Variants in MYBPC1 observed in about 807,000 individuals in gnomAD.
MYBPC1 encodes the protein myosin-binding protein C, slow-type.
MYBPC1 carries 52 observed loss-of-function variants against 147.1 expected under a neutral mutation model. The observed-to-expected ratio is 0.35, with a 90% CI of 0.28 to 0.45. The LOEUF (loss-of-function observed/expected upper bound fraction) is 0.45. MYBPC1 is among the 20% of genes least tolerant of loss of function. The pLI is 1.00. For missense variants in MYBPC1, 1,228 were observed against 1,440.3 expected (o/e 0.85, Z 2.39); for synonymous variants, 477 against 475.9 (o/e 1.00, Z -0.03).
At position 101,632,328 on chromosome 12, in the gene MYBPC1, TGGG is replaced by T. The variant is rs993922222; in HGVS notation, c.556+194_556+196del. ...AAATAATTTATAATAAAAGTAGAAT[TGGG>T]GGGATTTTATCGCTAAATATCTCTT... On this transcript the variant is annotated intron_variant, in intron 8 of 31. Coordinates refer to ENST00000361466, the MANE Select transcript of MYBPC1 (RefSeq NM_002465.4). Among the ~76,000 whole-genome samples, 8 of 152,272 alleles carry T rather than the reference TGGG, an allele frequency of 5.3e-5. 2 individuals carry two copies. The highest frequency in any genetic ancestry group is 1.9e-4 in the African/African-American group (8 of 41,548).
intron 1 of MYBPC1, among the ~76,000 whole-genome samples, chr12:101,597,781 G>T (rs1156310069): frequency 6.6e-6 from 1 of 152,084 alleles, no homozygotes; most frequent in Non-Finnish European, 1.5e-5. Flanking sequence ...TATTTGTACT[G>T]TCTATTCCAG....
At chr12:101,675,157 AG>A in intron 25 of MYBPC1, 134 bp from the exon 26 acceptor site, 1 of 1,214,688 alleles carries the variant, frequency 8.2e-7, no homozygotes, top group Non-Finnish European at 1.2e-6. Context: ...GGGTCTCAGA[AG>A]CCCCCATGGT....
At chr12:101,619,219 G>A (rs1006024948) in intron 3 of MYBPC1, among the ~76,000 whole-genome samples, 3 of 151,782 alleles carry the variant, frequency 2.0e-5, no homozygotes, top group African/African-American at 7.3e-5. Flanking sequence ...TCCTCCAACT[G>A]TCAGTCTATT....
At chr12:101,643,586 A>G (rs1892508957) in intron 11 of MYBPC1, among the ~76,000 whole-genome samples, 1 of 152,210 alleles carries the variant, frequency 6.6e-6, no homozygotes, top group Non-Finnish European at 1.5e-5. Flanking sequence ...TAAGGTTGGA[A>G]TGATGGAAAT....
intron 3 of MYBPC1, 114 bp from the exon 4 acceptor site, chr12:101,626,758 C>A: frequency 1.1e-6 from 1 of 897,916 alleles, no homozygotes; most frequent in Non-Finnish European, 1.9e-6. Context: ...GCTTGCTCAG[C>A]AGTTGAAAGT....
At chr12:101,650,397 C>T (rs825047) in intron 15 of MYBPC1, among the ~76,000 whole-genome samples, 53,272 of 151,898 alleles carry the variant, frequency 0.35, 10,903 homozygotes, top group African/African-American at 0.58. Flanking sequence ...CTCACAGTTC[C>T]GCATGGCTGG....
intron 3 of MYBPC1, among the ~76,000 whole-genome samples, chr12:101,622,666 C>T (rs911894667): frequency 1.3e-5 from 2 of 152,110 alleles, no homozygotes; most frequent in South Asian, 2.1e-4. Context: ...ACCTGGAAGG[C>T]GGAGGTTGCA....
At chr12:101,687,720 G>A (rs10128996), downstream of MYBPC1, among the ~76,000 whole-genome samples, 79,342 of 152,018 alleles carry the variant, frequency 0.52, 21,353 homozygotes, top group Admixed American at 0.6. Context: ...CCATAGTGCA[G>A]CAGCCGAGCT....
intron 3 of MYBPC1, among the ~76,000 whole-genome samples, chr12:101,618,854 C>CGTGTGTGTGT (rs35811344): frequency 6.3e-4 from 86 of 136,880 alleles, no homozygotes; most frequent in African/African-American, 1.4e-3. Flanking sequence ...CAAAAACTGC[C>CGTGTGTGTGT]GTGTGTGTGT....
intron 20 of MYBPC1, among the ~76,000 whole-genome samples, chr12:101,661,606 A>C (rs1420857779): frequency 6.6e-6 from 1 of 152,170 alleles, no homozygotes; most frequent in Non-Finnish European, 1.5e-5. Context: ...TTAAATAATT[A>C]GGCTGAGCAT....
At chr12:101,670,999 C>CT (rs1486099397) in intron 24 of MYBPC1, among the ~76,000 whole-genome samples, 11 of 113,090 alleles carry the variant, frequency 9.7e-5, no homozygotes, top group South Asian at 2.9e-4. Context: ...ACACACACAC[C>CT]CTGCACCTCC....
At chr12:101,670,179 G>T in intron 23 of MYBPC1, 142 bp from the exon 24 acceptor site, 1 of 740,410 alleles carries the variant, frequency 1.4e-6, no homozygotes. Context: ...ACTATATATC[G>T]TCTGTTAGTG....
At position 101,594,977 on chromosome 12, in the gene MYBPC1, C is replaced by A; in HGVS notation, c.-94C>A. 1 of 1,235,714 alleles carries A rather than the reference C, an allele frequency of 8.1e-7. No homozygotes were observed. Among genetic ancestry groups the A allele is most frequent in the Non-Finnish European group, 1.2e-6 (1 of 847,342 alleles). The allele number at this position is 1,235,714 out of a possible 1,614,324, so 76.5% of individuals were successfully genotyped here. A position where few individuals can be genotyped will look rare whatever the true frequency, so the allele number is the denominator to read the frequency against. ...GGTTTCTCCCCAACTGCTTGTCACA[C>A]CGACCTGCACCATCTCTCGCCTGCC... is the stretch of plus-strand genomic sequence containing the variant. On this transcript the variant is annotated 5_prime_UTR_variant, in exon 1 of 32. Coordinates refer to ENST00000361466, the MANE Select transcript of MYBPC1 (RefSeq NM_002465.4).
chr12:101,666,066 C>T lies in MYBPC1; in HGVS notation c.2357-1666C>T, dbSNP rs140101663. 295 of 155,198 alleles carry T rather than the reference C, an allele frequency of 1.9e-3. 5 individuals carry two copies. The highest frequency in any genetic ancestry group is 6.8e-3 in the African/African-American group (282 of 41,582). 9.6% of individuals were successfully genotyped at this position (155,198 alleles called of 1,614,324 possible). Reference sequence around the variant, plus strand: ...ATACTGAGAAAGTCATCATCCCAAACCAGTGGGTATGCCCAAGACCACCCT... The same window carrying T: ...ATACTGAGAAAGTCATCATCCCAAATCAGTGGGTATGCCCAAGACCACCCT... On this transcript the variant is annotated intron_variant, in intron 22 of 31. Coordinates refer to ENST00000361466, the MANE Select transcript of MYBPC1 (RefSeq NM_002465.4).
At position 101,632,148 on chromosome 12, in the gene MYBPC1, C is replaced by T. The variant is rs61935677; in HGVS notation, c.556+10C>T. The T allele has an allele frequency of 5.8e-6, 9 of 1,564,602 alleles. No individual in the cohort carries two copies. The highest frequency in any genetic ancestry group is 1.7e-5 in the Admixed American group (1 of 59,926). ...GATCTTGAAGTGCACGGTAAGAGAG[C>T]CTTCTTGCCTAGATAAATGTAATTT... On this transcript the variant is annotated intron_variant, in intron 8 of 31. Coordinates refer to ENST00000361466, the MANE Select transcript of MYBPC1 (RefSeq NM_002465.4).
At position 101,652,664 on chromosome 12, in the gene MYBPC1, C is replaced by G; in HGVS notation, c.1527-14C>G. ...CTTTGGAGTCTTAGAAATACATTTT[C>G]CTTGTTTCCTTAGGATCCACAAGTT... On this transcript the variant is annotated splice_polypyrimidine_tract_variant and intron_variant, in intron 16 of 31. Transcript: ENST00000361466. The G allele has an allele frequency of 1.3e-6, 2 of 1,572,014 alleles. No individual in the cohort carries two copies. Among genetic ancestry groups the G allele is most frequent in the Admixed American group, 3.3e-5 (2 of 59,950 alleles).
chr12:101,597,773 T>A (rs1427689061), intron 1 of MYBPC1, among the ~76,000 whole-genome samples: 1 of 152,196 alleles, frequency 6.6e-6, no homozygotes, highest in African/African-American at 2.4e-5. Flanking sequence ...AACTATGTTA[T>A]TTGTACTGTC....
intron 24 of MYBPC1, among the ~76,000 whole-genome samples, chr12:101,672,915 T>G (rs1450005603): frequency 1.3e-5 from 2 of 152,208 alleles, no homozygotes; most frequent in African/African-American, 4.8e-5. Flanking sequence ...CTCAGCACTT[T>G]AATCTTTATA....
chr12:101,681,554 T>TAATATATATATA, intron 29 of MYBPC1, among the ~76,000 whole-genome samples: 1 of 55,774 alleles, frequency 1.8e-5, no homozygotes, highest in South Asian at 7.8e-4. Context: ...AAAATAACTT[T>TAATATATATATA]CATATATATA....
Sources: allele counts gnomAD v4.1 joint callset (sites outside exome capture counted in the v4.1 genomes callset), GRCh38; gene constraint gnomAD v4.1.1; transcripts MANE v1.5; gene names NCBI Gene and HGNC (gene_info 2026-07-23, HGNC 2026-07-21).